The following WWP2 variants were observed in gnomAD, a reference collection of about 807,000 sequenced individuals.
WWP2 encodes NEDD4-like E3 ubiquitin-protein ligase WWP2.
A neutral mutation model predicts 121.0 loss-of-function variants in WWP2; 57 were observed. That is an observed-to-expected ratio of 0.47 (90% confidence interval 0.38 to 0.59). The LOEUF is 0.59. Ranked by LOEUF, WWP2 falls within the 20% of genes least tolerant of loss-of-function variation. WWP2 has a pLI of 0.00. For missense variants in WWP2, 962 were observed against 1,158.9 expected, an observed-to-expected ratio of 0.83 and a Z score of 2.47; for synonymous variants, 449 against 441.3, an observed-to-expected ratio of 1.02 and a Z score of -0.22.
At chr16:69,871,629 TC>T in intron 6 of WWP2, 174 bp from the exon 7 acceptor site, 1 of 859,392 alleles carries the variant, frequency 1.2e-6, no homozygotes, top group Non-Finnish European at 1.7e-6. Flanking sequence ...AAAGGAAACT[TC>T]CCTGGGTCTC....
At chr16:69,805,507 C>G (rs2056256856) in intron 4 of WWP2, among the ~76,000 whole-genome samples, 1 of 151,944 alleles carries the variant, frequency 6.6e-6, no homozygotes, top group African/African-American at 2.4e-5. Context: ...TATTAGTAAC[C>G]TTTTTGCTTT....
intron 6 of WWP2, among the ~76,000 whole-genome samples, chr16:69,868,929 C>T (rs2151912832): frequency 6.6e-6 from 1 of 152,264 alleles, no homozygotes; most frequent in South Asian, 2.1e-4. Flanking sequence ...TCTGTGTTGT[C>T]CAGGCTGGAG....
chr16:69,909,837 T>G (rs1025837770), intron 9 of WWP2: 46 of 477,246 alleles, frequency 9.6e-5, no homozygotes, highest in Non-Finnish European at 1.1e-4. Flanking sequence ...TACTCAACAT[T>G]TAGCTTCAAA....
At chr16:69,804,047 T>C (rs1201467149) in intron 4 of WWP2, among the ~76,000 whole-genome samples, 1 of 152,188 alleles carries the variant, frequency 6.6e-6, no homozygotes, top group African/African-American at 2.4e-5. Context: ...CATTTTTATA[T>C]TGAAGTGTGC....
Position 69,890,393 on chromosome 16 carries a change from G to T in WWP2, c.914+2144G>T, listed in dbSNP as rs139996375. The stretch of plus-strand genomic sequence containing the variant: ...TGGGATGTTTTTTTGTGAGGTTTTT[G>T]ATTTTAGTGAAGGTTAAAGTGAAAA... On this transcript the variant is annotated intron_variant, in intron 8 of 23. Coordinates refer to ENST00000359154, the MANE Select transcript of WWP2 (RefSeq NM_001270454.2). 1.8e-4 allele frequency among the ~76,000 whole-genome samples: 28 copies of T among 152,234 alleles called. 1 individual carries two copies. In the East Asian group the frequency reaches 5.2e-3, roughly 28 times the overall value.
intron 11 of WWP2, 32 bp from the exon 12 acceptor site, chr16:69,929,416 T>C (rs762470106): frequency 1.3e-5 from 21 of 1,602,410 alleles, no homozygotes; most frequent in Non-Finnish European, 1.8e-5. Context: ...CGTGTTTGAA[T>C]CTGATGTTCT....
intron 17 of WWP2, 96 bp downstream of exon 17, chr16:69,934,225 C>T (rs2058762322): frequency 2.7e-6 from 4 of 1,480,934 alleles, no homozygotes; most frequent in South Asian, 1.2e-5. Context: ...GGAATCTGCT[C>T]TTTCTCTGAG....
At chr16:69,806,706 T>G (rs1407734585) in intron 4 of WWP2, among the ~76,000 whole-genome samples, 3 of 152,334 alleles carry the variant, frequency 2.0e-5, no homozygotes, top group Admixed American at 6.5e-5. Flanking sequence ...GGGTTTTAAA[T>G]ATCATTCTCA....
At chr16:69,938,225 C>A (rs1174079053) in intron 21 of WWP2, among the ~76,000 whole-genome samples, 3 of 151,770 alleles carry the variant, frequency 2.0e-5, no homozygotes, top group Non-Finnish European at 4.4e-5. Context: ...TGGTGCCCAG[C>A]CTGGTCCTGA....
intron 19 of WWP2, 74 bp downstream of exon 19, chr16:69,936,526 C>CACAGGTGGGGG: frequency 6.3e-7 from 1 of 1,591,364 alleles, no homozygotes; most frequent in Non-Finnish European, 8.6e-7. Flanking sequence ...AAAGATGGGC[C>CACAGGTGGGGG]CCCACCTGTG....
In WWP2 at chr16:69,917,834, A is replaced by G; in HGVS notation, c.1130A>G (p.Asn377Ser). The G allele has an allele frequency of 6.2e-7, 1 of 1,614,002 alleles. No homozygotes were observed. The highest frequency in any genetic ancestry group is 8.5e-7 in the Non-Finnish European group (1 of 1,179,830). ...TATGAGCAGTGGCAGTCGCAGCGGA[A>G]TCAGCTCCAGGGGGCCATGCAGCAC... ...RNYEQWQSQRNQLQGAMQHFS... is the reference protein window; with the variant it reads ...RNYEQWQSQRSQLQGAMQHFS... Residue 377 changes from asparagine (N) to serine (S), a missense_variant, in exon 10 of 24, where the codon AAT (asparagine) becomes AGT (serine). Asn to Ser is a conservative substitution (Grantham distance 46). This residue lies in a region of WWP2 where 606 missense variants were observed against 772.6 expected (regional missense o/e 0.78). Transcript: ENST00000359154.
At chr16:69,792,634 T>A (rs1179706846) in intron 2 of WWP2, among the ~76,000 whole-genome samples, 1 of 152,186 alleles carries the variant, frequency 6.6e-6, no homozygotes, top group African/African-American at 2.4e-5. Context: ...AAACTTAGTA[T>A]CCCCAATGGC....
intron 4 of WWP2, among the ~76,000 whole-genome samples, chr16:69,810,075 A>G (rs1221308168): frequency 1.3e-5 from 2 of 152,116 alleles, no homozygotes; most frequent in African/African-American, 4.8e-5. Context: ...TTTCCTGGGG[A>G]AGGACCTGAT....
chr16:69,929,585 A>G, intron 12 of WWP2, 56 bp downstream of exon 12: 6 of 1,506,404 alleles, frequency 4.0e-6, no homozygotes, highest in South Asian at 3.4e-5. Context: ...GTGCAGCTCC[A>G]GCACTGGGCA....
intron 13 of WWP2, 90 bp downstream of exon 13, chr16:69,930,348 C>A (rs1175972493): frequency 6.4e-7 from 1 of 1,559,680 alleles, no homozygotes; most frequent in Non-Finnish European, 8.7e-7. Context: ...TTGGGTGGCC[C>A]CTGTGGTGCG....
intron 6 of WWP2, among the ~76,000 whole-genome samples, chr16:69,869,107 CGAACTCCTGACCTCAG>C (rs1465924137): frequency 6.6e-6 from 1 of 152,110 alleles, no homozygotes; most frequent in Non-Finnish European, 1.5e-5. Context: ...AGGCTGGTCT[CGAACTCCTGACCTCAG>C]GTGATCCACC....
At chr16:69,939,205 A>T in intron 22 of WWP2, 82 bp downstream of exon 22, 2 of 1,559,158 alleles carry the variant, frequency 1.3e-6, no homozygotes, top group Non-Finnish European at 1.8e-6. Flanking sequence ...CTCTTCCTGG[A>T]AGCACGTCAG....
chr16:69,777,375 A>G (rs1448879037), intron 1 of WWP2, among the ~76,000 whole-genome samples: 1 of 151,672 alleles, frequency 6.6e-6, no homozygotes, highest in Non-Finnish European at 1.5e-5. Flanking sequence ...GTCTTGGCTT[A>G]TTGCAACCTC....
intron 8 of WWP2, among the ~76,000 whole-genome samples, chr16:69,901,065 A>G (rs180815113): frequency 5.2e-4 from 79 of 152,310 alleles, no homozygotes; most frequent in African/African-American, 1.9e-3. Flanking sequence ...CAAAGGACCT[A>G]CTGAAGCACT....
Sources: allele counts gnomAD v4.1 joint callset (sites outside exome capture counted in the v4.1 genomes callset), GRCh38; gene constraint gnomAD v4.1.1; regional missense constraint gnomAD v4.1.1; transcripts MANE v1.5; gene names NCBI Gene and HGNC (gene_info 2026-07-23, HGNC 2026-07-21).